Variants in RBCK1 observed in about 807,000 individuals in gnomAD.
The protein encoded by RBCK1 is RANBP2-type and C3HC4-type zinc finger containing 1.
Under a neutral mutation model 71.1 loss-of-function variants are expected in RBCK1, and 44 were observed. The observed-to-expected ratio is 0.62, with a 90% CI of 0.49 to 0.80. The LOEUF (loss-of-function observed/expected upper bound fraction) is 0.80. RBCK1 is among the 30% of genes least tolerant of loss of function. The pLI is 0.00. For missense variants in RBCK1, 569 were observed against 685.0 expected (o/e 0.83, Z 1.89); for synonymous variants, 306 against 279.7 (o/e 1.09, Z -0.94).
intron 2 of RBCK1, among the ~76,000 whole-genome samples, chr20:413,724 G>A (rs1215310685): frequency 6.6e-6 from 1 of 152,090 alleles, no homozygotes; most frequent in African/African-American, 2.4e-5. Flanking sequence ...CTGGGCAACC[G>A]GCACCTCTCA....
At chr20:419,844 C>CAACCATGCTGCTGGCAGT (rs375252781) in intron 6 of RBCK1, 113 bp downstream of exon 6, 66 of 1,441,374 alleles carry the variant, frequency 4.6e-5, no homozygotes, top group South Asian at 2.1e-4. Flanking sequence ...TTGCCCCTCC[C>CAACCATGCTGCTGGCAGT]AACCATGCTG....
rs560407701 is a variant in RBCK1, at chr20:417,143, A to G, written c.168-383A>G. 2.1e-5 allele frequency: 10 copies of G among 475,694 alleles called. No individual in the cohort carries two copies. The Admixed American group carries it at 2.3e-4, about 11-fold the overall frequency. 29.5% of individuals were successfully genotyped at this position (475,694 alleles called of 1,614,324 possible). ...GTCTGATGGGTTGGTTGAGAGGATT[A>G]AATGAGTTAATACACATGAAGTGCA... On this transcript the variant is annotated intron_variant, in intron 2 of 11. Transcript: ENST00000356286. This position sits in a 1 kb window ranked among gnomAD's most constrained non-coding sequence, Gnocchi z 4.7.
rs566615418 is a variant in RBCK1 at position 421,300 on chromosome 20, C to T, written c.917+269C>T. On this transcript the variant is annotated intron_variant, in intron 7 of 11. Coordinates refer to ENST00000356286, the MANE Select transcript of RBCK1 (RefSeq NM_031229.4). ...GACTCCCTTCCCCTCTACCTTTCGC[C>T]GCCCGGGCTCCTGCAGCCACGCTGC... Among the ~76,000 whole-genome samples the T allele has an allele frequency of 2.7e-4, 41 of 152,264 alleles. 1 individual carries two copies. The South Asian group carries it at 7.3e-3, about 27-fold the overall frequency.
Position 409,919 on chromosome 20 carries a change from G to A in RBCK1, c.61G>A (p.Gly21Ser). ...CCTGAGCCTCACCCGAGCAGTGGCG[G>A]GCGGGGATGAACAGGTGGCAATGAA... ...MALSLTRAVA[G>S]GDEQVAMKCA... Residue 21 changes from glycine to serine, a missense_variant, in exon 2 of 12, where the codon GGC becomes AGC. Physicochemically the swap from Gly to Ser is moderately conservative, Grantham distance 56 (BLOSUM62 0). This residue lies in a region of RBCK1 where 358 missense variants were observed against 375.6 expected (regional missense o/e 0.95). Transcript: ENST00000356286. 1 of 1,613,988 alleles carries A rather than the reference G, an allele frequency of 6.2e-7. No homozygotes were observed. Among genetic ancestry groups the A allele is most frequent in the Non-Finnish European group, 8.5e-7 (1 of 1,180,006 alleles).
rs762696336 is a variant in RBCK1 at position 429,050 on chromosome 20, A to G, written c.1408A>G (p.Thr470Ala). 2 of 1,612,870 alleles carry G rather than the reference A, an allele frequency of 1.2e-6. No homozygotes were observed. Among genetic ancestry groups the G allele is most frequent in the South Asian group, 2.2e-5 (2 of 91,066 alleles). ...CDWIRCTVCH[T>A]EICWVTKGPR... Reference sequence around the variant, plus strand: ...CTGGATCCGCTGCACCGTCTGCCACACCGAGATCTGCTGGGTCACCAAGGG... The same window carrying G: ...CTGGATCCGCTGCACCGTCTGCCACGCCGAGATCTGCTGGGTCACCAAGGG... Residue 470 changes from threonine to alanine, a missense_variant, in exon 11 of 12, where the codon ACC (threonine) becomes GCC (alanine). This residue lies in a region of RBCK1 where 211 missense variants were observed against 309.4 expected (regional missense o/e 0.68). Coordinates refer to ENST00000356286, the MANE Select transcript of RBCK1 (RefSeq NM_031229.4).
chr20:420,886 C>A lies in RBCK1; in HGVS notation c.772C>A (p.Gln258Lys). Reference protein sequence around the residue: ...RQYQQRKQQQQEGNYLQHVQL... With the variant: ...RQYQQRKQQQKEGNYLQHVQL... The stretch of plus-strand genomic sequence containing the variant: ...GTGTGCCCAGCGGAAGCAGCAGCAG[C>A]AGGAGGGGAACTACCTGCAGCACGT... Residue 258 changes from glutamine to lysine, a missense_variant, in exon 7 of 12, where the codon CAG becomes AAG. Physicochemically the swap from Gln to Lys is moderately conservative, Grantham distance 53. This residue lies in a region of RBCK1 where 358 missense variants were observed against 375.6 expected (regional missense o/e 0.95). Transcript: ENST00000356286. 1 of 1,553,736 alleles carries A rather than the reference C, an allele frequency of 6.4e-7. No individual in the cohort carries two copies. The highest frequency in any genetic ancestry group is 1.9e-5 in the Admixed American group (1 of 51,462).
At chr20:427,529 T>C (rs2016797197) in intron 9 of RBCK1, 37 bp downstream of exon 9, 1 of 1,607,200 alleles carries the variant, frequency 6.2e-7, no homozygotes, top group South Asian at 1.1e-5. Flanking sequence ...CTAGTCACTG[T>C]CATCTTGCCT....
In RBCK1 at chr20:428,850, C is replaced by T; in HGVS notation, c.1309-101C>T. The T allele has an allele frequency of 6.9e-7, 1 of 1,457,744 alleles. No individual in the cohort carries two copies. Among genetic ancestry groups the T allele is most frequent in the Non-Finnish European group, 9.0e-7 (1 of 1,111,538 alleles). 90.3% of individuals were successfully genotyped at this position (1,457,744 alleles called of 1,614,324 possible). A position where few individuals can be genotyped will look rare whatever the true frequency, so the allele number is the denominator to read the frequency against. ...TGGCAGAGCCACACAGGAGAGACTC[C>T]ACAGCTCTAGAGGGTCACCACCTTC... On this transcript the variant is annotated intron_variant, in intron 10 of 11. Transcript: ENST00000356286. The surrounding 1 kb of genome is among the most constrained non-coding windows in gnomAD (Gnocchi z 5.7).
At position 426,816 on chromosome 20, in the gene RBCK1, C is replaced by CTT. The variant is rs768525416; in HGVS notation, c.1030-470_1030-469dup. ...TCACTTTCTTTTTACTTTTCTTTTC[C>CTT]TTTTTTTTTTTTTTTTTTTTTTTTT... On this transcript the variant is annotated intron_variant, in intron 8 of 11. Transcript: ENST00000356286. 8.1e-3 allele frequency among the ~76,000 whole-genome samples: 771 copies of CTT among 95,444 alleles called. 55 individuals carry two copies. Among genetic ancestry groups the CTT allele is most frequent in the African/African-American group, 0.027 (496 of 18,692 alleles). The allele number at this position is 95,444 out of a possible 152,430, so 62.6% of individuals were successfully genotyped here. A position where few individuals can be genotyped will look rare whatever the true frequency, so the allele number is the denominator to read the frequency against.
In RBCK1 at chr20:420,195, G is replaced by A. The variant is rs974294109; in HGVS notation, c.756+464G>A. 7.9e-5 allele frequency: 78 copies of A among 985,128 alleles called. No homozygotes were observed. The East Asian group carries it at 7.7e-3, about 98-fold the overall frequency. The allele number at this position is 985,128 out of a possible 1,614,324, so 61.0% of individuals were successfully genotyped here. A position where few individuals can be genotyped will look rare whatever the true frequency, so the allele number is the denominator to read the frequency against. Reference sequence around the variant, plus strand: ...CCTGACCTCTTCCCTCTCGGGCTGGGCCCACCCCTGACTTCCTGAGAGCCT... The same window carrying A: ...CCTGACCTCTTCCCTCTCGGGCTGGACCCACCCCTGACTTCCTGAGAGCCT... On this transcript the variant is annotated intron_variant, in intron 6 of 11. Coordinates refer to ENST00000356286, the MANE Select transcript of RBCK1 (RefSeq NM_031229.4).
chr20:409,481 T>C (rs779658812), intron 1 of RBCK1, among the ~76,000 whole-genome samples: 1 of 151,434 alleles, frequency 6.6e-6, no homozygotes, highest in Non-Finnish European at 1.5e-5. Flanking sequence ...TTTTTTTTTC[T>C]TGTTAAACTT....
chr20:415,284 C>T (rs2015921123), intron 2 of RBCK1, among the ~76,000 whole-genome samples: 1 of 152,028 alleles, frequency 6.6e-6, no homozygotes, highest in East Asian at 1.9e-4. Flanking sequence ...GGGAGGGTCA[C>T]CTCAGTCCAG....
chr20:416,769 G>A (rs1372476620), intron 2 of RBCK1, among the ~76,000 whole-genome samples: 2 of 152,190 alleles, frequency 1.3e-5, no homozygotes, highest in African/African-American at 4.8e-5. Flanking sequence ...GGCCAAGGCA[G>A]GAGGATCACT....
At position 417,342 on chromosome 20, in the gene RBCK1, G is replaced by T; in HGVS notation, c.168-184G>T. 1.4e-6 allele frequency: 1 copy of T among 737,498 alleles called. No homozygotes were observed. Among genetic ancestry groups the T allele is most frequent in the East Asian group, 2.6e-5 (1 of 38,574 alleles). 45.7% of individuals were successfully genotyped at this position (737,498 alleles called of 1,614,324 possible). On this transcript the variant is annotated intron_variant, in intron 2 of 11. Coordinates refer to ENST00000356286, the MANE Select transcript of RBCK1 (RefSeq NM_031229.4). The surrounding 1 kb of genome is among the most constrained non-coding windows in gnomAD (Gnocchi z 4.7). ...GTGGAGCCATTGGAGGGGCCTAACT[G>T]GTGGGTTCTAATAAAGGAAGAAGCA... is the stretch of plus-strand genomic sequence containing the variant.
chr20:422,125 A>C lies in RBCK1; in HGVS notation c.918-2A>C. On this transcript the variant is annotated splice_acceptor_variant, in intron 7 of 11. Transcript: ENST00000356286. LOFTEE classifies it high-confidence loss of function. This position sits in a 1 kb window ranked among gnomAD's most constrained non-coding sequence, Gnocchi z 5.0. ...TAACTCTTTTCCCCTCCCCTCCCCT[A>C]GGGAGTGCCTGCAGGGCACCATCCG... 6.2e-7 allele frequency: 1 copy of C among 1,610,188 alleles called. No individual in the cohort carries two copies. The highest frequency in any genetic ancestry group is 8.5e-7 in the Non-Finnish European group (1 of 1,178,612).
chr20:427,313 C>T lies in RBCK1; in HGVS notation c.1030C>T (p.Leu344Phe), dbSNP rs2016780000. Residue 344 changes from leucine (L) to phenylalanine (F), a missense_variant and splice_region_variant, in exon 9 of 12, where the codon CTC becomes TTC. Around this residue, in one of 2 missense-constraint regions of RBCK1, gnomAD observed 211 missense variants for 309.4 expected, o/e 0.68. Coordinates refer to ENST00000356286, the MANE Select transcript of RBCK1 (RefSeq NM_031229.4). ...CAGCAAGGACATGGTGTGTTGGCAG[C>T]TCCTGACCCCTGAGGATTACCAGCG... ...GKLLEREIKA[L>F]LTPEDYQRFL... The T allele has an allele frequency of 1.2e-6, 2 of 1,613,834 alleles. No individual in the cohort carries two copies. The highest frequency in any genetic ancestry group is 8.5e-7 in the Non-Finnish European group (1 of 1,179,916).
At position 417,808 on chromosome 20, in the gene RBCK1, C is replaced by A; in HGVS notation, c.338C>A (p.Thr113Asn). 1 of 1,614,082 alleles carries A rather than the reference C, an allele frequency of 6.2e-7. No individual in the cohort carries two copies. Among genetic ancestry groups the A allele is most frequent in the Non-Finnish European group, 8.5e-7 (1 of 1,180,008 alleles). The change falls in exon 4 of 12, where the codon ACC becomes AAC. Residue 113 changes from threonine (T) to asparagine (N), a missense_variant. Physicochemically the swap from Thr to Asn is moderately conservative, Grantham distance 65. Around this residue, in one of 2 missense-constraint regions of RBCK1, gnomAD observed 358 missense variants for 375.6 expected, o/e 0.95. Transcript: ENST00000356286. This position sits in a 1 kb window ranked among gnomAD's most constrained non-coding sequence, Gnocchi z 4.7. ...CAGCGGCTGGCACGAGACCAGGAGA[C>A]CCTGCACTCCCATGGGGTGCGGCAG... ...IGQRLARDQETLHSHGVRQNG... is the reference protein window; with the variant it reads ...IGQRLARDQENLHSHGVRQNG...
chr20:410,562 ATTC>A, intron 2 of RBCK1: 1 of 779,770 alleles, frequency 1.3e-6, no homozygotes, highest in Admixed American at 1.7e-5. Context: ...ACCAGAACTG[ATTC>A]CCACAGCTAC....
chr20:419,689 G>T lies in RBCK1; in HGVS notation c.714G>T (p.Ala238=), dbSNP rs749795892. The change falls in exon 6 of 12, where the codon GCG becomes GCT. Residue 238 remains alanine (A), a synonymous_variant. Transcript: ENST00000356286. ...ASYQPDEEER[A]RLAGEEEALR... is the part of the protein sequence containing the mutation. ...ACCAGCCCGACGAGGAGGAGCGAGC[G>T]CGCCTGGCGGGCGAGGAGGAGGCGC... 1.3e-5 allele frequency: 21 copies of T among 1,575,380 alleles called. No homozygotes were observed. The African/African-American group carries it at 2.7e-4, about 20-fold the overall frequency.
Sources: allele counts gnomAD v4.1 joint callset (sites outside exome capture counted in the v4.1 genomes callset), GRCh38; gene constraint gnomAD v4.1.1; regional missense constraint gnomAD v4.1.1; non-coding constraint Gnocchi (gnomAD v3.1); transcripts MANE v1.5; gene names NCBI Gene and HGNC (gene_info 2026-07-23, HGNC 2026-07-21).